Variants in AKT3 observed in about 807,000 individuals in gnomAD.
The protein encoded by AKT3 is AKT serine/threonine kinase 3.
A neutral mutation model predicts 65.3 loss-of-function variants in AKT3; 15 were observed. The observed-to-expected ratio is 0.23, with a 90% CI of 0.15 to 0.35. AKT3 has a LOEUF of 0.35. Ranked by LOEUF, AKT3 falls within the 10% of genes least tolerant of loss-of-function variation. AKT3 has a pLI of 1.00. For missense variants in AKT3, 243 were observed against 576.5 expected (o/e 0.42, Z 5.92); for synonymous variants, 206 against 183.8 (o/e 1.12, Z -0.98).
chr1:243,689,899 T>C (rs1684579192), intron 3 of AKT3, among the ~76,000 whole-genome samples: 1 of 152,040 alleles, frequency 6.6e-6, no homozygotes, highest in African/African-American at 2.4e-5. Flanking sequence ...GAGCTGTAAT[T>C]GTGCCACTGT....
intron 12 of AKT3, among the ~76,000 whole-genome samples, chr1:243,514,597 C>T (rs138880343): frequency 3.0e-4 from 46 of 152,208 alleles, no homozygotes; most frequent in Non-Finnish European, 3.2e-4. Context: ...ATAAGTTCCA[C>T]GAGGGCAAGG....
Position 243,849,988 on chromosome 1 carries a change from G to A in AKT3, c.-113+52C>T, listed in dbSNP as rs1224967371. On this transcript the variant is annotated intron_variant, in intron 1 of 13. Transcript: ENST00000673466. The stretch of plus-strand genomic sequence containing the variant: ...GCGGACCGGGGCCCGGGGCCCGGAG[G>A]GAGTGGAGGCCAGGCGGGGAGGGGG... 8.2e-6 allele frequency: 8 copies of A among 975,222 alleles called. No individual in the cohort carries two copies. In the East Asian group the frequency reaches 3.4e-4, roughly 42 times the overall value. 60.4% of individuals were successfully genotyped at this position (975,222 alleles called of 1,614,324 possible).
chr1:243,551,451 C>T (rs575826875), intron 11 of AKT3, among the ~76,000 whole-genome samples: 1 of 152,136 alleles, frequency 6.6e-6, no homozygotes, highest in East Asian at 1.9e-4. Context: ...CTTATTTCTG[C>T]TGAAGATAAA....
chr1:243,746,058 T>C (rs957785014), intron 2 of AKT3, among the ~76,000 whole-genome samples: 1 of 152,230 alleles, frequency 6.6e-6, no homozygotes. Flanking sequence ...AAATTCCCTA[T>C]GTGGAATCAA....
At chr1:243,772,580 C>T (rs1032897399) in intron 2 of AKT3, among the ~76,000 whole-genome samples, 4 of 152,200 alleles carry the variant, frequency 2.6e-5, no homozygotes, top group African/African-American at 4.8e-5. Context: ...CACTTTTACA[C>T]TGTTGGTGGC....
chr1:243,707,540 T>G (rs1685879656), intron 2 of AKT3, among the ~76,000 whole-genome samples: 2 of 152,142 alleles, frequency 1.3e-5, no homozygotes, highest in African/African-American at 4.8e-5. Context: ...AACATTGCAA[T>G]GTTTCTTTCA....
At chr1:243,675,645 A>G (rs1001865075) in intron 3 of AKT3, among the ~76,000 whole-genome samples, 3 of 152,234 alleles carry the variant, frequency 2.0e-5, no homozygotes, top group African/African-American at 4.8e-5. Context: ...CCAATTAGCT[A>G]AATTCTGGTT....
At chr1:243,577,426 C>A (rs919690235) in intron 8 of AKT3, among the ~76,000 whole-genome samples, 1 of 152,104 alleles carries the variant, frequency 6.6e-6, no homozygotes, top group African/African-American at 2.4e-5. Context: ...GGATTACAGG[C>A]ATGAGCCACT....
At chr1:243,642,604 C>A (rs576631999) in intron 5 of AKT3, among the ~76,000 whole-genome samples, 3 of 152,168 alleles carry the variant, frequency 2.0e-5, no homozygotes, top group African/African-American at 7.2e-5. Flanking sequence ...CCACCACGCC[C>A]AGCCACAGTA....
intron 12 of AKT3, among the ~76,000 whole-genome samples, chr1:243,535,206 A>G (rs1671834662): frequency 6.7e-6 from 1 of 149,896 alleles, no homozygotes; most frequent in South Asian, 2.1e-4. Flanking sequence ...ATATTTTAAA[A>G]TTATTTTAAA....
chr1:243,643,979 G>A (rs184777772), intron 5 of AKT3, among the ~76,000 whole-genome samples: 12 of 152,282 alleles, frequency 7.9e-5, no homozygotes, highest in East Asian at 5.8e-4. Context: ...CATTAGGACC[G>A]TTATGGAGTT....
At chr1:243,509,635 C>G (rs1337495436) in intron 13 of AKT3, among the ~76,000 whole-genome samples, 2 of 152,186 alleles carry the variant, frequency 1.3e-5, no homozygotes, top group Non-Finnish European at 2.9e-5. Flanking sequence ...ACTACACCAC[C>G]CCTGCAGCCA....
At chr1:243,744,968 C>CT (rs1367053213) in intron 2 of AKT3, among the ~76,000 whole-genome samples, 6 of 151,664 alleles carry the variant, frequency 4.0e-5, no homozygotes, top group Non-Finnish European at 7.4e-5. Context: ...AAAAGATGTT[C>CT]TTTTACAAGT....
intron 12 of AKT3, among the ~76,000 whole-genome samples, chr1:243,527,928 CACACACACAGAGAGAG>C (rs1343301359): frequency 2.8e-4 from 14 of 50,354 alleles, no homozygotes; most frequent in African/African-American, 8.9e-4. Context: ...CACACACACA[CACACACACAGAGAGAG>C]AGAGAGAGAG....
At position 243,502,355 on chromosome 1, in the gene AKT3, C is replaced by T. The variant is rs1669368689; in HGVS notation, c.*2894G>A. On this transcript the variant is annotated 3_prime_UTR_variant, in exon 14 of 14. Coordinates refer to ENST00000673466, the MANE Select transcript of AKT3 (RefSeq NM_005465.7). Reference sequence around the variant, plus strand: ...CAGGGATGGGAAATGGAAAACAATACTTGAATAATGCTATGTAATTAGTGT... The same window carrying T: ...CAGGGATGGGAAATGGAAAACAATATTTGAATAATGCTATGTAATTAGTGT... 2 of 232,952 alleles carry T rather than the reference C, an allele frequency of 8.6e-6. No individual in the cohort carries two copies. The highest frequency in any genetic ancestry group is 1.8e-4 in the South Asian group (1 of 5,532). 14.4% of individuals were successfully genotyped at this position (232,952 alleles called of 1,614,324 possible).
chr1:243,791,289 T>C (rs2148336592), intron 2 of AKT3, among the ~76,000 whole-genome samples: 1 of 4,606 alleles, frequency 2.2e-4, no homozygotes, highest in Middle Eastern at 0.1. Context: ...TAACCATTCT[T>C]TTTTTTTTTT....
intron 8 of AKT3, among the ~76,000 whole-genome samples, chr1:243,595,197 A>G (rs1446044277): frequency 6.6e-6 from 1 of 152,216 alleles, no homozygotes; most frequent in Non-Finnish European, 1.5e-5. Context: ...ACCCTACTGA[A>G]TACTCTAGGC....
At chr1:243,844,401 C>T (rs1021657856) in intron 1 of AKT3, among the ~76,000 whole-genome samples, 3 of 152,146 alleles carry the variant, frequency 2.0e-5, no homozygotes, top group African/African-American at 7.2e-5. Context: ...GGGAAAGATA[C>T]GTCACAAATT....
At chr1:243,778,385 A>G (rs932179785) in intron 2 of AKT3, among the ~76,000 whole-genome samples, 3 of 152,218 alleles carry the variant, frequency 2.0e-5, no homozygotes, top group Non-Finnish European at 2.9e-5. Context: ...CCAGCTTCCC[A>G]GAGAAGATGA....
Sources: allele counts gnomAD v4.1 joint callset (sites outside exome capture counted in the v4.1 genomes callset), GRCh38; gene constraint gnomAD v4.1.1; transcripts MANE v1.5; gene names NCBI Gene and HGNC (gene_info 2026-07-23, HGNC 2026-07-21).